Variants in FCHSD2 observed in about 807,000 individuals in gnomAD.
FCHSD2 encodes F-BAR and double SH3 domains protein 2.
In FCHSD2, 38 loss-of-function variants were observed where a neutral mutation model predicts 108.1. That is an observed-to-expected ratio of 0.35 (90% CI 0.27 to 0.46). FCHSD2 has a LOEUF of 0.46. FCHSD2 is among the 20% of genes least tolerant of loss of function. FCHSD2 has a pLI of 1.00. For missense variants in FCHSD2, 751 were observed against 897.8 expected, an observed-to-expected ratio of 0.84 and a Z score of 2.09; for synonymous variants, 279 against 314.7, an observed-to-expected ratio of 0.89 and a Z score of 1.20.
rs150286279 is a variant in FCHSD2 at position 73,059,903 on chromosome 11, A to G, written c.165+23792T>C. The stretch of plus-strand genomic sequence containing the variant: ...TAAATTAACCATTTGTTGTACCAAA[A>G]CTTTGCTTATATCTGCAGAAATTCT... On this transcript the variant is annotated intron_variant, in intron 3 of 19. Transcript: ENST00000409418. 3.5e-3 allele frequency among the ~76,000 whole-genome samples: 540 copies of G among 152,304 alleles called. 2 individuals are homozygous for G. The highest frequency in any genetic ancestry group is 0.013 in the African/African-American group (528 of 41,558).
chr11:73,110,161 T>C (rs947820599), intron 2 of FCHSD2, among the ~76,000 whole-genome samples: 8 of 150,636 alleles, frequency 5.3e-5, no homozygotes, highest in Admixed American at 2.0e-4. Context: ...TTTTTTTTTT[T>C]GATGTGTCTT....
intron 8 of FCHSD2, among the ~76,000 whole-genome samples, chr11:72,946,354 C>T (rs1200572890): frequency 7.3e-6 from 1 of 136,564 alleles, no homozygotes; most frequent in East Asian, 2.1e-4. Flanking sequence ...AATGAGAACA[C>T]ATGGACATAG....
chr11:72,911,319 G>C (rs1044352511), intron 9 of FCHSD2, among the ~76,000 whole-genome samples: 8 of 152,030 alleles, frequency 5.3e-5, no homozygotes, highest in Non-Finnish European at 1.0e-4. Context: ...TTTGATTCTG[G>C]GTTCTCTATT....
intron 10 of FCHSD2, among the ~76,000 whole-genome samples, chr11:72,891,868 C>A (rs992101580): frequency 2.6e-5 from 4 of 152,104 alleles, no homozygotes; most frequent in African/African-American, 9.7e-5. Context: ...GGTATAGGAT[C>A]TACATAATAT....
At chr11:72,887,105 C>T (rs975771502) in intron 12 of FCHSD2, among the ~76,000 whole-genome samples, 1 of 150,600 alleles carries the variant, frequency 6.6e-6, no homozygotes, top group African/African-American at 2.4e-5. Flanking sequence ...ATATATGTCT[C>T]CATAGATATT....
At chr11:72,975,178 A>T (rs1290518307) in intron 8 of FCHSD2, among the ~76,000 whole-genome samples, 2 of 152,198 alleles carry the variant, frequency 1.3e-5, no homozygotes, top group African/African-American at 2.4e-5. Flanking sequence ...ATAATATTTC[A>T]TTGTGTATAT....
At chr11:72,888,914 G>A (rs183560554) in intron 11 of FCHSD2, among the ~76,000 whole-genome samples, 42 of 152,008 alleles carry the variant, frequency 2.8e-4, no homozygotes, top group African/African-American at 9.6e-4. Flanking sequence ...GAGCCACTGC[G>A]CCCAGCCAAA....
At chr11:72,905,146 C>G (rs1301877325) in intron 9 of FCHSD2, among the ~76,000 whole-genome samples, 1 of 152,098 alleles carries the variant, frequency 6.6e-6, no homozygotes, top group African/African-American at 2.4e-5. Context: ...AGTCCAAGAT[C>G]GAGTGTTGAC....
intron 2 of FCHSD2, among the ~76,000 whole-genome samples, chr11:73,093,825 G>A (rs976574135): frequency 4.6e-5 from 7 of 152,054 alleles, no homozygotes; most frequent in East Asian, 3.9e-4. Context: ...GGCTGATCTC[G>A]AACTCCCGAC....
intron 9 of FCHSD2, among the ~76,000 whole-genome samples, chr11:72,917,908 T>C (rs1240608068): frequency 3.3e-5 from 5 of 150,730 alleles, no homozygotes; most frequent in African/African-American, 9.7e-5. Context: ...AAAAAAAAAA[T>C]TGAGGACCGG....
chr11:73,141,394 G>A (rs1861244461), intron 1 of FCHSD2: 1 of 166,138 alleles, frequency 6.0e-6, no homozygotes, highest in South Asian at 1.3e-4. Flanking sequence ...CAAACCCTAA[G>A]GCTAGGCTAG....
intron 10 of FCHSD2, among the ~76,000 whole-genome samples, chr11:72,899,869 G>A (rs1855492409): frequency 6.6e-6 from 1 of 150,642 alleles, no homozygotes; most frequent in South Asian, 2.1e-4. Flanking sequence ...TTTCTTCTTA[G>A]AAGACAGAAT....
intron 5 of FCHSD2, among the ~76,000 whole-genome samples, chr11:72,999,888 A>AAC (rs922523491): frequency 8.2e-4 from 84 of 102,856 alleles, no homozygotes; most frequent in Admixed American, 1.3e-3. Context: ...CACACACACA[A>AAC]ACACACACAC....
intron 1 of FCHSD2, 135 bp from the exon 2 acceptor site, chr11:73,140,263 CTA>C (rs1861215927): frequency 1.9e-6 from 1 of 520,666 alleles, no homozygotes; most frequent in Non-Finnish European, 3.4e-6. Flanking sequence ...TATTCGCCAT[CTA>C]GTTTTATTTA....
At chr11:72,914,476 C>T (rs540830015) in intron 9 of FCHSD2, among the ~76,000 whole-genome samples, 150 of 152,264 alleles carry the variant, frequency 9.9e-4, no homozygotes, top group Non-Finnish European at 1.7e-3. Context: ...CATCACGCTA[C>T]CCAACTTCAA....
intron 2 of FCHSD2, among the ~76,000 whole-genome samples, chr11:73,087,722 T>A (rs1859856921): frequency 1.3e-5 from 2 of 151,636 alleles, no homozygotes; most frequent in Non-Finnish European, 2.9e-5. Flanking sequence ...AAAAAAAAAT[T>A]TTTAAAATAA....
chr11:72,962,140 G>A (rs1357185143), intron 8 of FCHSD2, among the ~76,000 whole-genome samples: 1 of 152,074 alleles, frequency 6.6e-6, no homozygotes, highest in African/African-American at 2.4e-5. Flanking sequence ...TAAGATCAAG[G>A]GACCACTGGG....
intron 10 of FCHSD2, among the ~76,000 whole-genome samples, chr11:72,893,157 G>GCC (rs1855352094): frequency 6.6e-6 from 1 of 151,750 alleles, no homozygotes; most frequent in Non-Finnish European, 1.5e-5. Flanking sequence ...GTACCACCAT[G>GCC]CCCAGTTAAC....
intron 3 of FCHSD2, among the ~76,000 whole-genome samples, chr11:73,030,258 A>G (rs1487227676): frequency 1.3e-5 from 2 of 152,166 alleles, no homozygotes; most frequent in East Asian, 3.8e-4. Context: ...TTATCGGAAG[A>G]TGTGCACTTC....
Sources: allele counts gnomAD v4.1 joint callset (sites outside exome capture counted in the v4.1 genomes callset), GRCh38; gene constraint gnomAD v4.1.1; transcripts MANE v1.5; gene names NCBI Gene and HGNC (gene_info 2026-07-23, HGNC 2026-07-21).